Variants in RIPK3 observed in about 807,000 individuals in gnomAD.
RIPK3 encodes receptor-interacting serine/threonine-protein kinase 3.
In RIPK3, 51 loss-of-function variants were observed where a neutral mutation model predicts 51.6. The observed-to-expected ratio is 0.99, with a 90% CI of 0.79 to 1.25. The LOEUF (loss-of-function observed/expected upper bound fraction) is 1.25, where lower values mean the gene tolerates loss of function less well. Among genes scored for constraint, RIPK3 ranks in the 50% most tolerant of loss-of-function variants. RIPK3 has a pLI of 0.00. For synonymous variants in RIPK3, 246 were observed against 257.7 expected, an observed-to-expected ratio of 0.95 and a Z score of 0.44; for missense variants, 654 against 650.4, an observed-to-expected ratio of 1.01 and a Z score of -0.06.
chr14:24,338,639 C>T, intron 3 of RIPK3, 72 bp from the exon 4 acceptor site: 8 of 1,529,138 alleles, frequency 5.2e-6, no homozygotes, highest in Non-Finnish European at 7.0e-6. Context: ...ACCCCCCTGC[C>T]CCCAGAAGGT....
At chr14:24,338,951 C>G (rs775177041) in intron 3 of RIPK3, 64 bp downstream of exon 3, 1 of 1,320,752 alleles carries the variant, frequency 7.6e-7, no homozygotes. Context: ...TAGTGTCCGG[C>G]GGGCCTGGCT....
In RIPK3 at chr14:24,339,904, C is replaced by A; in HGVS notation, c.-78G>T. On this transcript the variant is annotated 5_prime_UTR_variant, in exon 1 of 10. Transcript: ENST00000216274. This position sits in a 1 kb window ranked among gnomAD's most constrained non-coding sequence, Gnocchi z 4.0. ...AGTGACTTCTGGGGCTTGGTCCTTT[C>A]GCAGAGAGGGGAAGGGGTCTGTCTG... 1 of 1,456,938 alleles carries A rather than the reference C, an allele frequency of 6.9e-7. No homozygotes were observed. Among genetic ancestry groups the A allele is most frequent in the Non-Finnish European group, 9.3e-7 (1 of 1,078,214 alleles). The allele number at this position is 1,456,938 out of a possible 1,614,324, so 90.3% of individuals were successfully genotyped here.
chr14:24,336,030 T>A lies in RIPK3; in HGVS notation c.*145A>T. The stretch of plus-strand genomic sequence containing the variant: ...CTGGCTGAGCTCAGACTGACTAGCA[T>A]TCCATCATGTTTATTGACTCCTGGG... On this transcript the variant is annotated 3_prime_UTR_variant, in exon 10 of 10. Transcript: ENST00000216274. 3 of 768,364 alleles carry A rather than the reference T, an allele frequency of 3.9e-6. No individual in the cohort carries two copies. The highest frequency in any genetic ancestry group is 6.0e-6 in the Non-Finnish European group (3 of 497,204). The allele number at this position is 768,364 out of a possible 1,614,324, so 47.6% of individuals were successfully genotyped here.
Position 24,338,061 on chromosome 14 carries a change from G to C in RIPK3, c.665-21C>G, listed in dbSNP as rs368370166. On this transcript the variant is annotated intron_variant, in intron 5 of 9. Transcript: ENST00000216274. ...TGGCACTGGAGTAGGGGAGGAGGGT[G>C]AGAAGAGAAGGCATTCAGGGTAAAA... The C allele has an allele frequency of 1.9e-6, 3 of 1,614,104 alleles. No individual in the cohort carries two copies. In the African/African-American group the frequency reaches 4.0e-5, roughly 22 times the overall value.
intron 3 of RIPK3, 130 bp downstream of exon 3, chr14:24,338,885 G>T: frequency 1.3e-6 from 1 of 791,802 alleles, no homozygotes; most frequent in South Asian, 1.7e-5. Flanking sequence ...TCCCCTGGCA[G>T]CCCTGTGTCC....
In RIPK3 at chr14:24,339,265, C is replaced by A; in HGVS notation, c.221G>T (p.Arg74Leu). The A allele has an allele frequency of 6.2e-7, 1 of 1,614,104 alleles. No individual in the cohort carries two copies. The highest frequency in any genetic ancestry group is 8.5e-7 in the Non-Finnish European group (1 of 1,179,952). The change falls in exon 3 of 10, where the codon CGC (arginine) becomes CTC (leucine). Residue 74 changes from arginine (R) to leucine (L), a missense_variant. Transcript: ENST00000216274. The surrounding 1 kb of genome is among the most constrained non-coding windows in gnomAD (Gnocchi z 4.0). The part of the protein sequence containing the change: ...MASLDNEFVL[R>L]LEGVIEKVNW... ...CACCTTCTCGATAACCCCTTCTAGG[C>A]GCAGCACGAATTCGTTATCCAGACT...
chr14:24,339,486 G>T lies in RIPK3; in HGVS notation c.132C>A (p.Gly44=). 6.2e-7 allele frequency: 1 copy of T among 1,614,188 alleles called. No homozygotes were observed. Among genetic ancestry groups the T allele is most frequent in the Non-Finnish European group, 8.5e-7 (1 of 1,180,030 alleles). The part of the protein sequence containing the change: ...TVFRAQHRKW[G]YDVAVKIVNS... ...TTACGATCTTGACCGCCACATCGTAGCCCCACTTCCTATGTTGCGCCCGGA... is the reference window on the plus strand; with the variant it reads ...TTACGATCTTGACCGCCACATCGTATCCCCACTTCCTATGTTGCGCCCGGA... The change falls in exon 2 of 10, where the codon GGC becomes GGA. Residue 44 remains glycine (G), a synonymous_variant. Coordinates refer to ENST00000216274, the MANE Select transcript of RIPK3 (RefSeq NM_006871.4). This position sits in a 1 kb window ranked among gnomAD's most constrained non-coding sequence, Gnocchi z 4.0.
Position 24,336,283 on chromosome 14 carries a change from GC to G in RIPK3, c.1448del (p.Gly483AlafsTer12). 6.2e-7 allele frequency: 1 copy of G among 1,614,010 alleles called. No homozygotes were observed. On this transcript the variant is annotated frameshift_variant, in exon 10 of 10. Coordinates refer to ENST00000216274, the MANE Select transcript of RIPK3 (RefSeq NM_006871.4). LOFTEE classifies it low-confidence loss of function (END_TRUNC). Reference protein sequence around the residue: ...ALPTWGLAPSGKGRGLQHPPP... With the variant: ...ALPTWGLAPSXKGRGLQHPPP... Reference sequence around the variant, plus strand: ...GGGGGTGCTGCAAGCCCCTCCCCTTGCCCGAAGGTGCCAAGCCCCATGTGGG... The same window carrying G: ...GGGGGTGCTGCAAGCCCCTCCCCTTGCCGAAGGTGCCAAGCCCCATGTGGG...
chr14:24,337,814 A>G, intron 6 of RIPK3, 52 bp from the exon 7 acceptor site: 1 of 1,613,646 alleles, frequency 6.2e-7, no homozygotes, highest in Non-Finnish European at 8.5e-7. Context: ...TTTTCCTGAG[A>G]AAAGCCCCCT....
rs372756437 is a variant in RIPK3, at chr14:24,336,148, C to G, written c.*27G>C. 59 of 1,603,184 alleles carry G rather than the reference C, an allele frequency of 3.7e-5. 1 individual carries two copies. The African/African-American group carries it at 6.6e-4, about 18-fold the overall frequency. ...GGTGGCACTCTTCCTTAACTCGTAA[C>G]TCTTGGAGGCAAGCTTGGAAGGTGC... On this transcript the variant is annotated 3_prime_UTR_variant, in exon 10 of 10. Transcript: ENST00000216274.
chr14:24,336,629 A>G (rs1051211044), intron 9 of RIPK3: 11 of 677,982 alleles, frequency 1.6e-5, no homozygotes, highest in Non-Finnish European at 2.7e-5. Context: ...TGCTGAAACA[A>G]TGGAACTTAG....
intron 7 of RIPK3, 102 bp from the exon 8 acceptor site, chr14:24,337,562 G>T (rs369109083): frequency 5.6e-6 from 9 of 1,598,988 alleles, no homozygotes; most frequent in South Asian, 5.5e-5. Flanking sequence ...GGAACTCAGG[G>T]GTGGGCTGGG....
rs1594678049 is a variant in RIPK3, at chr14:24,337,665, C to T, written c.900+30G>A. On this transcript the variant is annotated intron_variant, in intron 7 of 9. Transcript: ENST00000216274. Reference sequence around the variant, plus strand: ...GCCACGCTGTGCCATCCCTGACCAGCTCCTGGGGAGGGGTGATGTTGGCAC... The same window carrying T: ...GCCACGCTGTGCCATCCCTGACCAGTTCCTGGGGAGGGGTGATGTTGGCAC... 3 of 1,577,064 alleles carry T rather than the reference C, an allele frequency of 1.9e-6. No individual in the cohort carries two copies. In the East Asian group the frequency reaches 6.7e-5, roughly 35 times the overall value.
rs1377105972 is a variant in RIPK3 at position 24,338,966 on chromosome 14, C to A, written c.471+49G>T. ...TAGTGTCCGGCGGGCCTGGCTGGAG[C>A]AGCTCTGGGGCCTTGTCTTGAGGCT... On this transcript the variant is annotated intron_variant, in intron 3 of 9. Coordinates refer to ENST00000216274, the MANE Select transcript of RIPK3 (RefSeq NM_006871.4). 6 of 1,488,014 alleles carry A rather than the reference C, an allele frequency of 4.0e-6. No homozygotes were observed. In the South Asian group the frequency reaches 6.8e-5, roughly 17 times the overall value. The allele number at this position is 1,488,014 out of a possible 1,614,324, so 92.2% of individuals were successfully genotyped here. A position where few individuals can be genotyped will look rare whatever the true frequency, so the allele number is the denominator to read the frequency against.
Position 24,339,444 on chromosome 14 carries a change from C to T in RIPK3, c.161+13G>A. ...TGGCCAGATTGCGGCTGGGGTCAAC[C>T]GGGGTCACTCACGAGTTTACGATCT... On this transcript the variant is annotated intron_variant, in intron 2 of 9. Coordinates refer to ENST00000216274, the MANE Select transcript of RIPK3 (RefSeq NM_006871.4). The surrounding 1 kb of genome is among the most constrained non-coding windows in gnomAD (Gnocchi z 4.0). 1.9e-6 allele frequency: 3 copies of T among 1,614,166 alleles called. No individual in the cohort carries two copies. Among genetic ancestry groups the T allele is most frequent in the Non-Finnish European group, 2.5e-6 (3 of 1,180,006 alleles).
Position 24,336,904 on chromosome 14 carries a change from C to T in RIPK3, c.1317G>A (p.Pro439=), listed in dbSNP as rs200066851. The T allele has an allele frequency of 2.9e-5, 46 of 1,613,968 alleles. No individual in the cohort carries two copies. The highest frequency in any genetic ancestry group is 4.5e-5 in the East Asian group (2 of 44,872). The part of the protein sequence containing the change: ...RQGMNWSCRT[P]EPNPVTGRPL... ...GGGTACCTGTTACTGGATTTGGCTC[C>T]GGGGTCCTGCAGGACCAGTTCATGC... Residue 439 remains proline (P), a synonymous_variant, in exon 9 of 10, where the codon CCG becomes CCA. Transcript: ENST00000216274.
chr14:24,337,207 G>T lies in RIPK3; in HGVS notation c.1154C>A (p.Ala385Glu). ...GGCCATCGAATCTGAAGATGTGCCT[G>T]CTGTCCAGGCTTGTGGAACCTGCTC... ...QEEQVPQAWT[A>E]GTSSDSMAQP... The change falls in exon 8 of 10, where the codon GCA (alanine) becomes GAA (glutamate). Residue 385 changes from alanine (A) to glutamate (E), a missense_variant. Ala to Glu is a moderately radical substitution (Grantham distance 107, BLOSUM62 -1). Transcript: ENST00000216274. 5 of 1,613,736 alleles carry T rather than the reference G, an allele frequency of 3.1e-6. No homozygotes were observed. The highest frequency in any genetic ancestry group is 3.4e-6 in the Non-Finnish European group (4 of 1,180,028).
In RIPK3 at chr14:24,339,233, C is replaced by T. The variant is rs775053634; in HGVS notation, c.253G>A (p.Asp85Asn). 16 of 1,614,102 alleles carry T rather than the reference C, an allele frequency of 9.9e-6. No individual in the cohort carries two copies. In the East Asian group the frequency reaches 3.3e-4, roughly 34 times the overall value. ...ACCAGAGCCGGCTTGGGATCTTGGT[C>T]CCAGTTCACCTTCTCGATAACCCCT... ...LEGVIEKVNW[D>N]QDPKPALVTK... Residue 85 changes from aspartate to asparagine, a missense_variant, in exon 3 of 10, where the codon GAC (aspartate) becomes AAC (asparagine). Coordinates refer to ENST00000216274, the MANE Select transcript of RIPK3 (RefSeq NM_006871.4). This position sits in a 1 kb window ranked among gnomAD's most constrained non-coding sequence, Gnocchi z 4.0.
Position 24,337,168 on chromosome 14 carries a change from G to T in RIPK3, c.1193C>A (p.Thr398Asn). The change falls in exon 8 of 10, where the codon ACT becomes AAT. Residue 398 changes from threonine to asparagine, a missense_variant. By Grantham distance (65) the Thr-to-Asn change is moderately conservative. Transcript: ENST00000216274. The stretch of plus-strand genomic sequence containing the variant: ...GTTTCTGAAAGTTGAGGTCTCTGGA[G>T]TCTGGGGAGGTTGGGCCATCGAATC... ...SSDSMAQPPQ[T>N]PETSTFRNQM... The T allele has an allele frequency of 6.2e-7, 1 of 1,612,608 alleles. No homozygotes were observed. Among genetic ancestry groups the T allele is most frequent in the Non-Finnish European group, 8.5e-7 (1 of 1,180,034 alleles).
Sources: allele counts gnomAD v4.1 joint callset, GRCh38; gene constraint gnomAD v4.1.1; non-coding constraint Gnocchi (gnomAD v3.1); transcripts MANE v1.5; gene names NCBI Gene and HGNC (gene_info 2026-07-23, HGNC 2026-07-21).